The following CWF19L2 variants were observed in gnomAD, a reference collection of about 807,000 sequenced individuals.
CWF19L2 encodes CWF19 like cell cycle control factor 2.
CWF19L2 carries 98 observed loss-of-function variants against 111.7 expected under a neutral mutation model. The observed-to-expected ratio is 0.88, with a 90% CI of 0.75 to 1.04. The LOEUF (loss-of-function observed/expected upper bound fraction) is 1.04, where lower values mean the gene tolerates loss of function less well. Among genes scored for constraint, CWF19L2 ranks in the 50% least tolerant of loss-of-function variants. The probability of loss-of-function intolerance (pLI) is 0.00; values close to 1 mark genes in which losing one functional copy is unlikely to be tolerated. For missense variants in CWF19L2, 1,101 were observed against 1,051.4 expected, an observed-to-expected ratio of 1.05 and a Z score of -0.65; for synonymous variants, 351 against 342.9, an observed-to-expected ratio of 1.02 and a Z score of -0.26.
chr11:107,447,006 T>A (rs1861710609), intron 3 of CWF19L2, among the ~76,000 whole-genome samples: 1 of 152,204 alleles, frequency 6.6e-6, no homozygotes, highest in South Asian at 2.1e-4. Context: ...TCTAATTCTA[T>A]CTAGTGGTCA....
chr11:107,438,132 C>T (rs1591204992), intron 6 of CWF19L2, among the ~76,000 whole-genome samples: 1 of 152,068 alleles, frequency 6.6e-6, no homozygotes, highest in African/African-American at 2.4e-5. Context: ...TAACAAATAA[C>T]CAAAATAAAA....
In CWF19L2 at chr11:107,429,448, T is replaced by C. The variant is rs574419410; in HGVS notation, c.784A>G (p.Met262Val). 35 of 1,545,452 alleles carry C rather than the reference T, an allele frequency of 2.3e-5. 1 individual carries two copies. In the South Asian group the frequency reaches 3.4e-4, roughly 15 times the overall value. Residue 262 changes from methionine to valine, a missense_variant, in exon 8 of 18, where the codon ATG becomes GTG. Transcript: ENST00000282251. ...EDIVAERYGSMEIFQSKLEDA... is the reference protein window; with the variant it reads ...EDIVAERYGSVEIFQSKLEDA... Reference sequence around the variant, plus strand: ...TCTAATTTTGACTGAAATATTTCCATTGACTACAAAGGAGAAAAATTAAAC... The same window carrying C: ...TCTAATTTTGACTGAAATATTTCCACTGACTACAAAGGAGAAAAATTAAAC...
chr11:107,445,745 G>A (rs1040095883), intron 3 of CWF19L2, among the ~76,000 whole-genome samples: 1 of 152,008 alleles, frequency 6.6e-6, no homozygotes, highest in African/African-American at 2.4e-5. Context: ...AATACATTTA[G>A]AGTAATATAA....
intron 12 of CWF19L2, among the ~76,000 whole-genome samples, chr11:107,363,787 ACAT>A (rs1860396008): frequency 2.3e-5 from 1 of 42,702 alleles, no homozygotes; most frequent in Admixed American, 1.9e-4. Flanking sequence ...TCACCAGCTA[ACAT>A]CATAATGACA....
At chr11:107,388,979 C>T (rs1362738255) in intron 12 of CWF19L2, among the ~76,000 whole-genome samples, 1 of 152,142 alleles carries the variant, frequency 6.6e-6, no homozygotes, top group Non-Finnish European at 1.5e-5. Flanking sequence ...CATTTAAACT[C>T]TATTTTACTT....
chr11:107,419,576 G>A (rs1861276022), intron 8 of CWF19L2, among the ~76,000 whole-genome samples: 1 of 152,152 alleles, frequency 6.6e-6, no homozygotes, highest in Non-Finnish European at 1.5e-5. Flanking sequence ...TATTATAACT[G>A]TGTTCCATAG....
At chr11:107,420,134 GA>G (rs1861283552) in intron 8 of CWF19L2, among the ~76,000 whole-genome samples, 1 of 151,746 alleles carries the variant, frequency 6.6e-6, no homozygotes, top group Admixed American at 6.6e-5. Context: ...GAACAGATGG[GA>G]AAAATAGAAA....
chr11:107,338,354 T>C (rs570340483), intron 14 of CWF19L2, among the ~76,000 whole-genome samples: 26 of 152,322 alleles, frequency 1.7e-4, no homozygotes, highest in Non-Finnish European at 2.6e-4. Context: ...TCAAGAATGT[T>C]ACATGAATAG....
At chr11:107,442,241 G>A (rs187430505) in intron 4 of CWF19L2, among the ~76,000 whole-genome samples, 261 of 152,296 alleles carry the variant, frequency 1.7e-3, no homozygotes, top group Non-Finnish European at 2.9e-3. Flanking sequence ...GGGGAAGGGG[G>A]TTCTAAACAT....
At chr11:107,406,876 G>T (rs1012371756) in intron 10 of CWF19L2, among the ~76,000 whole-genome samples, 3 of 150,388 alleles carry the variant, frequency 2.0e-5, no homozygotes, top group Non-Finnish European at 3.0e-5. Flanking sequence ...GTTACTATTG[G>T]CTAATGCCAC....
At chr11:107,404,231 T>C in intron 10 of CWF19L2, 1 of 777,844 alleles carries the variant, frequency 1.3e-6, no homozygotes, top group South Asian at 1.3e-5. Context: ...TCTTTCTGCT[T>C]CGTATCCATT....
intron 12 of CWF19L2, among the ~76,000 whole-genome samples, chr11:107,369,983 TA>T (rs1325531886): frequency 7.3e-6 from 1 of 137,842 alleles, no homozygotes; most frequent in Admixed American, 7.1e-5. Flanking sequence ...ATTGTAATAT[TA>T]GCTTTTTGAC....
chr11:107,362,463 G>A (rs979277790), intron 12 of CWF19L2, among the ~76,000 whole-genome samples: 16 of 152,200 alleles, frequency 1.1e-4, no homozygotes, highest in South Asian at 2.1e-4. Context: ...CTCCCAGCAC[G>A]CAGCTGGAGA....
At chr11:107,440,951 T>A (rs1357663438) in intron 5 of CWF19L2, among the ~76,000 whole-genome samples, 1 of 152,206 alleles carries the variant, frequency 6.6e-6, no homozygotes, top group Non-Finnish European at 1.5e-5. Flanking sequence ...CATATGCTCC[T>A]GGTACAGTAT....
intron 10 of CWF19L2, among the ~76,000 whole-genome samples, chr11:107,393,233 A>G (rs951926254): frequency 6.6e-6 from 1 of 152,186 alleles, no homozygotes; most frequent in Non-Finnish European, 1.5e-5. Context: ...TGTTTTTTAA[A>G]TTTAAAGATC....
At chr11:107,344,771 T>C (rs930367741) in intron 14 of CWF19L2, among the ~76,000 whole-genome samples, 1 of 152,210 alleles carries the variant, frequency 6.6e-6, no homozygotes, top group Admixed American at 6.5e-5. Flanking sequence ...TTATTTTCAA[T>C]TGAAATCTGG....
chr11:107,390,412 C>T (rs1051566422), intron 11 of CWF19L2, among the ~76,000 whole-genome samples: 1 of 152,166 alleles, frequency 6.6e-6, no homozygotes, highest in Non-Finnish European at 1.5e-5. Flanking sequence ...TACCTCTTTA[C>T]TCTCCTCTTC....
intron 12 of CWF19L2, among the ~76,000 whole-genome samples, chr11:107,361,233 G>A (rs373822595): frequency 1.2e-4 from 18 of 152,220 alleles, no homozygotes; most frequent in South Asian, 8.3e-4. Flanking sequence ...GTGTATGTTC[G>A]TGTCAACTTT....
In CWF19L2 at chr11:107,418,289, T is replaced by C. The variant is rs1468854625; in HGVS notation, c.1434-2A>G. On this transcript the variant is annotated splice_acceptor_variant, in intron 8 of 17. Coordinates refer to ENST00000282251, the MANE Select transcript of CWF19L2 (RefSeq NM_152434.3). LOFTEE classifies it high-confidence loss of function. Reference sequence around the variant, plus strand: ...TGAATGGACTCACGCTCTGGACTGCTATTGGAATAGGAAAGATTAACAGCA... The same window carrying C: ...TGAATGGACTCACGCTCTGGACTGCCATTGGAATAGGAAAGATTAACAGCA... The C allele has an allele frequency of 1.3e-6, 2 of 1,598,562 alleles. No homozygotes were observed. Among genetic ancestry groups the C allele is most frequent in the Admixed American group, 1.7e-5 (1 of 60,012 alleles).
Sources: allele counts gnomAD v4.1 joint callset (sites outside exome capture counted in the v4.1 genomes callset), GRCh38; gene constraint gnomAD v4.1.1; transcripts MANE v1.5; gene names NCBI Gene and HGNC (gene_info 2026-07-23, HGNC 2026-07-21).